HEATR9: variants seen among roughly 807,000 people sequenced by gnomAD.
HEATR9 encodes the protein HEAT repeat containing 9.
In HEATR9, 54 loss-of-function variants were observed where a neutral mutation model predicts 68.2. The ratio of observed to expected loss-of-function variants is 0.79; its 90% CI spans 0.64 to 0.99. HEATR9 has a LOEUF of 0.99. Among genes scored for constraint, HEATR9 ranks in the 50% least tolerant of loss-of-function variants. The pLI, the probability that HEATR9 is intolerant of heterozygous loss-of-function variation, is 0.00. For synonymous variants in HEATR9, 241 were observed against 253.5 expected, an observed-to-expected ratio of 0.95 and a Z score of 0.47; for missense variants, 662 against 679.7, an observed-to-expected ratio of 0.97 and a Z score of 0.29.
Position 35,866,785 on chromosome 17 carries a change from G to T in HEATR9, c.89-12C>A, listed in dbSNP as rs759787099. 21 of 1,613,508 alleles carry T rather than the reference G, an allele frequency of 1.3e-5. No homozygotes were observed. The highest frequency in any genetic ancestry group is 1.8e-5 in the Non-Finnish European group (21 of 1,179,464). ...GGCTTTTCTGAGTTCTGGCAAGAGG[G>T]ATAAGAGTATGTGTGTGGTTCAAAT... On this transcript the variant is annotated splice_polypyrimidine_tract_variant and intron_variant, in intron 1 of 14. Coordinates refer to ENST00000604834, the MANE Select transcript of HEATR9 (RefSeq NM_152781.4).
Position 35,868,705 on chromosome 17 carries a change from G to A in HEATR9, c.38C>T (p.Ser13Phe). The A allele has an allele frequency of 6.2e-7, 1 of 1,614,168 alleles. No homozygotes were observed. Among genetic ancestry groups the A allele is most frequent in the Non-Finnish European group, 8.5e-7 (1 of 1,180,032 alleles). Residue 13 changes from serine to phenylalanine, a missense_variant, in exon 1 of 15, where the codon TCC (serine) becomes TTC (phenylalanine). Transcript: ENST00000604834. Reference protein sequence around the residue: ...YEKSTDISDVSRSMFLYPWLE... With the variant: ...YEKSTDISDVFRSMFLYPWLE... ...CCATGGGTACAGGAACATTGACCTGGAGACATCAGAGATATCAGTTGATTT... is the reference window on the plus strand; with the variant it reads ...CCATGGGTACAGGAACATTGACCTGAAGACATCAGAGATATCAGTTGATTT...
rs534546367 is a variant in HEATR9 at position 35,863,579 on chromosome 17, G to A, written c.568-20C>T. On this transcript the variant is annotated intron_variant, in intron 6 of 14. Coordinates refer to ENST00000604834, the MANE Select transcript of HEATR9 (RefSeq NM_152781.4). Reference sequence around the variant, plus strand: ...TTGGGCCTAATTTAAGAGGCGGGTGGTAGGAACATATAATAAGGTGATGGA... The same window carrying A: ...TTGGGCCTAATTTAAGAGGCGGGTGATAGGAACATATAATAAGGTGATGGA... The A allele has an allele frequency of 2.5e-6, 4 of 1,613,072 alleles. No individual in the cohort carries two copies. The highest frequency in any genetic ancestry group is 2.5e-6 in the Non-Finnish European group (3 of 1,178,992).
chr17:35,855,323 G>A lies in HEATR9; in HGVS notation c.1453C>T (p.Pro485Ser). Reference protein sequence around the residue: ...KNKVLSVYEAPKTNVKAEPTR... With the variant: ...KNKVLSVYEASKTNVKAEPTR... Reference sequence around the variant, plus strand: ...GGCTCTGCCTTCACATTGGTCTTAGGTGCCTCATATACAGAGAGAACCTTG... The same window carrying A: ...GGCTCTGCCTTCACATTGGTCTTAGATGCCTCATATACAGAGAGAACCTTG... Residue 485 changes from proline to serine, a missense_variant, in exon 15 of 15, where the codon CCT becomes TCT. Transcript: ENST00000604834. 1 of 1,614,166 alleles carries A rather than the reference G, an allele frequency of 6.2e-7. No individual in the cohort carries two copies. Among genetic ancestry groups the A allele is most frequent in the South Asian group, 1.1e-5 (1 of 91,088 alleles).
chr17:35,857,486 G>A (rs897949226), intron 11 of HEATR9, among the ~76,000 whole-genome samples: 33 of 152,110 alleles, frequency 2.2e-4, no homozygotes, highest in African/African-American at 6.8e-4. Context: ...AGGGCCGGGC[G>A]CAGTGGCTCA....
Position 35,863,496 on chromosome 17 carries a change from A to G in HEATR9, c.625+6T>C. 1 of 1,613,716 alleles carries G rather than the reference A, an allele frequency of 6.2e-7. No homozygotes were observed. Among genetic ancestry groups the G allele is most frequent in the Middle Eastern group, 1.6e-4 (1 of 6,062 alleles). On this transcript the variant is annotated splice_donor_region_variant and intron_variant, in intron 7 of 14. Coordinates refer to ENST00000604834, the MANE Select transcript of HEATR9 (RefSeq NM_152781.4). ...AACTCCCCACCAAGGGAGAAGACAT[A>G]CTCACCCAGGATGGCCAGGGTTCGG...
intron 8 of HEATR9, among the ~76,000 whole-genome samples, chr17:35,862,408 G>GA (rs1568319173): frequency 2.0e-5 from 3 of 152,028 alleles, no homozygotes; most frequent in African/African-American, 7.2e-5. Flanking sequence ...CACTAAAGGA[G>GA]AAAAAAACAG....
chr17:35,868,231 A>G (rs918227610), intron 1 of HEATR9, among the ~76,000 whole-genome samples: 10 of 152,212 alleles, frequency 6.6e-5, no homozygotes, highest in African/African-American at 2.4e-4. Context: ...GGTGGTAAAC[A>G]TGAGGGGTAC....
At position 35,863,579 on chromosome 17, in the gene HEATR9, G is replaced by T. The variant is rs534546367; in HGVS notation, c.568-20C>A. The T allele has an allele frequency of 6.2e-7, 1 of 1,613,072 alleles. No individual in the cohort carries two copies. Among genetic ancestry groups the T allele is most frequent in the East Asian group, 2.2e-5 (1 of 44,888 alleles). ...TTGGGCCTAATTTAAGAGGCGGGTG[G>T]TAGGAACATATAATAAGGTGATGGA... On this transcript the variant is annotated intron_variant, in intron 6 of 14. Coordinates refer to ENST00000604834, the MANE Select transcript of HEATR9 (RefSeq NM_152781.4).
chr17:35,862,933 G>A (rs2088048313), intron 8 of HEATR9, 62 bp downstream of exon 8: 1 of 1,610,856 alleles, frequency 6.2e-7, no homozygotes, highest in Non-Finnish European at 8.5e-7. Context: ...CCAACCCCAA[G>A]CTAAACCTAT....
In HEATR9 at chr17:35,858,567, G is replaced by A. The variant is rs370864478; in HGVS notation, c.940-42C>T. 49 of 1,559,148 alleles carry A rather than the reference G, an allele frequency of 3.1e-5. No homozygotes were observed. In the African/African-American group the frequency reaches 4.7e-4, roughly 15 times the overall value. ...TAGGGCAGGGTGTACAGGGCCTAGA[G>A]GCATCTGTGTGGCCAGGTGGACTTG... is the stretch of plus-strand genomic sequence containing the variant. On this transcript the variant is annotated intron_variant, in intron 9 of 14. Transcript: ENST00000604834.
chr17:35,858,483 G>T lies in HEATR9; in HGVS notation c.982C>A (p.Pro328Thr). ...TGGTCTAGGATGGCCTTGATGACTG[G>T]GGCTGAGTGCACGTGCATCACCTTG... ...LVKVMHVHSA[P>T]VIKAILDQLC... Residue 328 changes from proline (P) to threonine (T), a missense_variant, in exon 10 of 15, where the codon CCA (proline) becomes ACA (threonine). Physicochemically the swap from Pro to Thr is conservative, Grantham distance 38. Coordinates refer to ENST00000604834, the MANE Select transcript of HEATR9 (RefSeq NM_152781.4). The T allele has an allele frequency of 6.2e-7, 1 of 1,614,076 alleles. No homozygotes were observed. The highest frequency in any genetic ancestry group is 2.2e-5 in the East Asian group (1 of 44,878).
chr17:35,856,123 C>T (rs1371214463), intron 13 of HEATR9, 50 bp downstream of exon 13: 1 of 1,569,026 alleles, frequency 6.4e-7, no homozygotes, highest in Non-Finnish European at 8.8e-7. Flanking sequence ...TCGCCTACTC[C>T]CCCTGCCATC....
Position 35,864,489 on chromosome 17 carries a change from C to G in HEATR9, c.510+8G>C. 6.2e-7 allele frequency: 1 copy of G among 1,613,512 alleles called. No homozygotes were observed. Among genetic ancestry groups the G allele is most frequent in the Non-Finnish European group, 8.5e-7 (1 of 1,179,726 alleles). On this transcript the variant is annotated splice_region_variant and intron_variant, in intron 5 of 14. Transcript: ENST00000604834. Reference sequence around the variant, plus strand: ...TAACCACCCTCCTCTATCCTTGCCTCTTCTCACCTGTGCTGCATAGAACTG... The same window carrying G: ...TAACCACCCTCCTCTATCCTTGCCTGTTCTCACCTGTGCTGCATAGAACTG...
intron 9 of HEATR9, 152 bp from the exon 10 acceptor site, chr17:35,858,677 A>C: frequency 2.4e-6 from 2 of 825,568 alleles, no homozygotes; most frequent in South Asian, 1.7e-5. Flanking sequence ...TCATGTGTGC[A>C]TATACATAAA....
At chr17:35,856,473 A>T in intron 12 of HEATR9, 1 of 1,091,834 alleles carries the variant, frequency 9.2e-7, no homozygotes, top group Non-Finnish European at 1.3e-6. Context: ...AGTTCTTTTC[A>T]TGTCATAATT....
Position 35,856,741 on chromosome 17 carries a change from A to G in HEATR9, c.1217T>C (p.Leu406Ser). 6.2e-7 allele frequency: 1 copy of G among 1,604,306 alleles called. No homozygotes were observed. The highest frequency in any genetic ancestry group is 8.5e-7 in the Non-Finnish European group (1 of 1,175,324). The stretch of plus-strand genomic sequence containing the variant: ...CTCCCAGGCCACTCACGCCTCCACC[A>G]AGTTCATCATCGTAGGCTTCAACTT... ...ELKLKPTMMN[L>S]VEAQLMNPDA... is the part of the protein sequence containing the mutation. The change falls in exon 12 of 15, where the codon TTG becomes TCG. Residue 406 changes from leucine (L) to serine (S), a missense_variant. Leu to Ser is a moderately radical substitution (Grantham distance 145, BLOSUM62 -2). Transcript: ENST00000604834.
rs376036347 is a variant in HEATR9, at chr17:35,858,195, C to G, written c.1152+5G>C. 2 of 1,613,914 alleles carry G rather than the reference C, an allele frequency of 1.2e-6. No individual in the cohort carries two copies. The highest frequency in any genetic ancestry group is 2.7e-5 in the African/African-American group (2 of 74,870). ...TCTGGGCTTGGGAGCTTTGGTCTCA[C>G]TTACAAGGAAGGGTTCATTATGCGT... On this transcript the variant is annotated splice_donor_5th_base_variant and intron_variant, in intron 11 of 14. Transcript: ENST00000604834.
At chr17:35,866,566 G>A (rs1568331761) in intron 2 of HEATR9, among the ~76,000 whole-genome samples, 158 bp downstream of exon 2, 1 of 152,202 alleles carries the variant, frequency 6.6e-6, no homozygotes, top group Non-Finnish European at 1.5e-5. Flanking sequence ...AAGCTCCTGA[G>A]GCTCTGAGGG....
intron 11 of HEATR9, 42 bp from the exon 12 acceptor site, chr17:35,856,847 A>G (rs1194338369): frequency 3.3e-6 from 5 of 1,517,246 alleles, no homozygotes; most frequent in Non-Finnish European, 4.5e-6. Flanking sequence ...GAGGGAATGC[A>G]AGGGTGTACA....
Sources: gnomAD v4.1 joint callset for allele counts (sites outside exome capture counted in the v4.1 genomes callset) on GRCh38, gnomAD v4.1.1 for gene constraint, MANE v1.5 for transcripts, NCBI Gene and HGNC (gene_info 2026-07-23, HGNC 2026-07-21) for gene names.